SPATA16: variants seen among roughly 807,000 people sequenced by gnomAD.
SPATA16 encodes spermatogenesis associated 16.
A neutral mutation model predicts 63.3 loss-of-function variants in SPATA16; 36 were observed. The ratio of observed to expected loss-of-function variants is 0.57; its 90% CI spans 0.44 to 0.75. The LOEUF (loss-of-function observed/expected upper bound fraction) is 0.75. Ranked by LOEUF, SPATA16 falls within the 30% of genes least tolerant of loss-of-function variation. SPATA16 has a pLI of 0.00. For synonymous variants in SPATA16, 203 were observed against 216.7 expected, an observed-to-expected ratio of 0.94 and a Z score of 0.56; for missense variants, 646 against 679.3, an observed-to-expected ratio of 0.95 and a Z score of 0.54.
At chr3:173,117,039 T>C (rs752835203) in intron 2 of SPATA16, 81 bp downstream of exon 2, 26 of 1,355,358 alleles carry the variant, frequency 1.9e-5, no homozygotes, top group Non-Finnish European at 2.6e-5. Flanking sequence ...TATTACAGTA[T>C]GGCCAGAACC....
At chr3:172,906,774 C>A (rs1465990989) in intron 10 of SPATA16, among the ~76,000 whole-genome samples, 1 of 152,132 alleles carries the variant, frequency 6.6e-6, no homozygotes, top group Non-Finnish European at 1.5e-5. Flanking sequence ...CAAAGTCTCG[C>A]TCTGTTGCCC....
intron 2 of SPATA16, among the ~76,000 whole-genome samples, chr3:173,077,819 A>G (rs775120070): frequency 1.3e-5 from 2 of 152,182 alleles, no homozygotes; most frequent in Admixed American, 6.5e-5. Context: ...CCTTGCTTAG[A>G]AAATATAGGT....
At chr3:173,028,009 C>CCTTCTTTCCTT (rs1735496707) in intron 3 of SPATA16, among the ~76,000 whole-genome samples, 1 of 43,304 alleles carries the variant, frequency 2.3e-5, no homozygotes, top group African/African-American at 2.1e-4. Flanking sequence ...CTCCCTCCCT[C>CCTTCTTTCCTT]CCTCCCTTCC....
chr3:172,925,194 G>T, intron 7 of SPATA16, 152 bp downstream of exon 7: 2 of 844,548 alleles, frequency 2.4e-6, no homozygotes, highest in South Asian at 3.4e-5. Context: ...GTGTGTTCTT[G>T]GGGAAAGATT....
At chr3:173,040,373 A>G (rs192290655) in intron 3 of SPATA16, among the ~76,000 whole-genome samples, 1 of 152,160 alleles carries the variant, frequency 6.6e-6, no homozygotes, top group Non-Finnish European at 1.5e-5. Flanking sequence ...AATTCATATG[A>G]CAATCACAAA....
At chr3:173,008,941 T>G (rs1299045456) in intron 4 of SPATA16, among the ~76,000 whole-genome samples, 1 of 152,228 alleles carries the variant, frequency 6.6e-6, no homozygotes, top group Non-Finnish European at 1.5e-5. Context: ...CTATATCAGT[T>G]AGATATATTC....
At chr3:172,973,070 C>T (rs567381204) in intron 5 of SPATA16, among the ~76,000 whole-genome samples, 2 of 152,042 alleles carry the variant, frequency 1.3e-5, no homozygotes, top group South Asian at 2.1e-4. Context: ...GGATTTTACC[C>T]GTTATTGACA....
At chr3:172,978,854 C>CA (rs1734228526) in intron 4 of SPATA16, among the ~76,000 whole-genome samples, 1 of 152,052 alleles carries the variant, frequency 6.6e-6, no homozygotes, top group Non-Finnish European at 1.5e-5. Flanking sequence ...ATTTTATTTA[C>CA]AAAAAACAGA....
intron 2 of SPATA16, among the ~76,000 whole-genome samples, chr3:173,067,803 G>A (rs1736560028): frequency 6.6e-6 from 1 of 151,920 alleles, no homozygotes; most frequent in South Asian, 2.1e-4. Flanking sequence ...ATAAGACTAT[G>A]GTATATAGTA....
chr3:173,128,153 TG>T (rs1462147666), intron 1 of SPATA16, among the ~76,000 whole-genome samples: 1 of 152,212 alleles, frequency 6.6e-6, no homozygotes, highest in Non-Finnish European at 1.5e-5. Context: ...GGACTGAAGT[TG>T]GTCTACAGGC....
chr3:173,052,398 A>T (rs1265300558), intron 2 of SPATA16, among the ~76,000 whole-genome samples: 2 of 152,200 alleles, frequency 1.3e-5, no homozygotes. Context: ...TTAAAATCAG[A>T]AAATAGGCAG....
rs760018088 is a variant in SPATA16 at position 173,117,548 on chromosome 3, T to C, written c.184A>G (p.Arg62Gly). Residue 62 changes from arginine (R) to glycine (G), a missense_variant, in exon 2 of 11, where the codon AGA becomes GGA. Physicochemically the swap from Arg to Gly is moderately radical, Grantham distance 125. Coordinates refer to ENST00000351008, the MANE Select transcript of SPATA16 (RefSeq NM_031955.6). The stretch of plus-strand genomic sequence containing the variant: ...TTGATGCCCTTTGTCATTTTTGTTC[T>C]TTCAAGTGTGATTTCTACCTGTTTA... ...GGKQVEITLE[R>G]TKMTKGIKEK... is the part of the protein sequence containing the mutation. 4.3e-6 allele frequency: 7 copies of C among 1,614,132 alleles called. No homozygotes were observed. The highest frequency in any genetic ancestry group is 1.7e-5 in the Admixed American group (1 of 60,004).
At chr3:173,133,993 A>G (rs915496653) in intron 1 of SPATA16, among the ~76,000 whole-genome samples, 2 of 70,378 alleles carry the variant, frequency 2.8e-5, no homozygotes, top group Non-Finnish European at 5.7e-5. Flanking sequence ...TTTTATATGG[A>G]AAAAAAAGGG....
chr3:173,078,800 G>C (rs1215693258), intron 2 of SPATA16, among the ~76,000 whole-genome samples: 1 of 152,126 alleles, frequency 6.6e-6, no homozygotes, highest in African/African-American at 2.4e-5. Flanking sequence ...GTGAGCCCTT[G>C]ATGCCACGGC....
At chr3:173,076,288 C>T (rs752966620) in intron 2 of SPATA16, among the ~76,000 whole-genome samples, 8 of 151,974 alleles carry the variant, frequency 5.3e-5, no homozygotes, top group Non-Finnish European at 1.0e-4. Flanking sequence ...TAGAAATTGA[C>T]GTTTGTGAAT....
At chr3:172,967,219 G>T (rs577589818) in intron 5 of SPATA16, among the ~76,000 whole-genome samples, 28 of 152,140 alleles carry the variant, frequency 1.8e-4, no homozygotes, top group Non-Finnish European at 2.9e-4. Context: ...AAAATGAAAA[G>T]AAATTTGGAG....
chr3:173,127,871 C>T (rs955133632), intron 1 of SPATA16, among the ~76,000 whole-genome samples: 1 of 152,220 alleles, frequency 6.6e-6, no homozygotes, highest in African/African-American at 2.4e-5. Context: ...CCTCATCAAA[C>T]TTTCCTCCCT....
chr3:172,895,560 T>C (rs1731989955), intron 10 of SPATA16, among the ~76,000 whole-genome samples: 1 of 152,152 alleles, frequency 6.6e-6, no homozygotes, highest in Admixed American at 6.5e-5. Flanking sequence ...GGTCTTGAAC[T>C]CCTGGCCTCA....
chr3:172,960,267 C>T (rs1560079762), intron 5 of SPATA16, among the ~76,000 whole-genome samples: 1 of 152,184 alleles, frequency 6.6e-6, no homozygotes, highest in Non-Finnish European at 1.5e-5. Context: ...ATCATTCTTT[C>T]TGGACCTGTG....
Sources: gnomAD v4.1 joint callset for allele counts (sites outside exome capture counted in the v4.1 genomes callset) on GRCh38, gnomAD v4.1.1 for gene constraint, MANE v1.5 for transcripts, NCBI Gene and HGNC (gene_info 2026-07-23, HGNC 2026-07-21) for gene names.